Variants in CFAP54 observed in about 807,000 individuals in gnomAD.
CFAP54 encodes the protein cilia and flagella associated protein 54, also known as cilia- and flagella-associated protein 54.
Under a neutral mutation model 370.4 loss-of-function variants are expected in CFAP54, and 290 were observed. The observed-to-expected ratio is 0.78, with a 90% CI of 0.71 to 0.86. The LOEUF is 0.86. Among genes scored for constraint, CFAP54 ranks in the 40% least tolerant of loss-of-function variants. The probability of loss-of-function intolerance (pLI) is 0.00; values close to 1 mark genes in which losing one functional copy is unlikely to be tolerated. For synonymous variants in CFAP54, 1,206 were observed against 1,236.5 expected (o/e 0.98, Z 0.52); for missense variants, 3,399 against 3,528.7 (o/e 0.96, Z 0.93).
Position 96,527,381 on chromosome 12 carries a change from G to C in CFAP54, c.1294G>C (p.Asp432His). ...ACTGCAAACTGGACCCATTGTTACA[G>C]ATGAAGTGGAGATTCATGATGTTGT... The part of the protein sequence containing the change: ...RILQTGPIVT[D>H]EVEIHDVVSE... The change falls in exon 9 of 68, where the codon GAT becomes CAT. Residue 432 changes from aspartate (D) to histidine (H), a missense_variant. Physicochemically the swap from Asp to His is moderately conservative, Grantham distance 81. Transcript: ENST00000524981. The C allele has an allele frequency of 6.5e-7, 1 of 1,534,754 alleles. No individual in the cohort carries two copies. The highest frequency in any genetic ancestry group is 8.7e-7 in the Non-Finnish European group (1 of 1,146,158).
intron 66 of CFAP54, among the ~76,000 whole-genome samples, chr12:96,836,574 G>A (rs1283133410): frequency 6.6e-6 from 1 of 152,160 alleles, no homozygotes; most frequent in Non-Finnish European, 1.5e-5. Flanking sequence ...AATCTATGCT[G>A]TAATAAAAAA....
intron 62 of CFAP54, among the ~76,000 whole-genome samples, chr12:96,789,026 A>G (rs992794945): frequency 5.3e-5 from 8 of 152,342 alleles, no homozygotes; most frequent in Non-Finnish European, 7.4e-5. Context: ...TGAAGTTGAT[A>G]TTATAGGATG....
At chr12:96,791,974 T>C (rs1958702688) in intron 62 of CFAP54, among the ~76,000 whole-genome samples, 1 of 151,688 alleles carries the variant, frequency 6.6e-6, no homozygotes, top group South Asian at 2.1e-4. Context: ...CTCAGCCTCC[T>C]GAGTAGCTGG....
intron 55 of CFAP54, among the ~76,000 whole-genome samples, chr12:96,745,609 T>A (rs1270859149): frequency 6.6e-6 from 1 of 152,178 alleles, no homozygotes; most frequent in African/African-American, 2.4e-5. Context: ...AAAGATTTTC[T>A]CCCATTCTGT....
chr12:96,848,010 T>A (rs1372131052), intron 66 of CFAP54, among the ~76,000 whole-genome samples: 1 of 152,214 alleles, frequency 6.6e-6, no homozygotes, highest in African/African-American at 2.4e-5. Context: ...CTTTCTCTCC[T>A]ACATCTTCTA....
At chr12:96,574,673 A>G (rs1317444812) in intron 19 of CFAP54, among the ~76,000 whole-genome samples, 8 of 152,114 alleles carry the variant, frequency 5.3e-5, no homozygotes, top group African/African-American at 1.4e-4. Flanking sequence ...ATATTTATAT[A>G]CTTCCTAATG....
chr12:96,648,049 T>C (rs1462064587), intron 34 of CFAP54, 32 bp downstream of exon 34: 18 of 1,450,804 alleles, frequency 1.2e-5, no homozygotes, highest in Non-Finnish European at 1.5e-5. Flanking sequence ...ATTATTAAAT[T>C]ACCTCTAGAT....
At chr12:96,683,479 C>T (rs1957293277) in intron 40 of CFAP54, among the ~76,000 whole-genome samples, 1 of 152,190 alleles carries the variant, frequency 6.6e-6, no homozygotes, top group Non-Finnish European at 1.5e-5. Flanking sequence ...AGAAATCATG[C>T]AGAAATACCC....
intron 65 of CFAP54, among the ~76,000 whole-genome samples, chr12:96,821,702 TAAA>T (rs10577712): frequency 0.022 from 2,918 of 131,880 alleles, 63 homozygotes; most frequent in African/African-American, 0.062. Flanking sequence ...AGCACTTTAT[TAAA>T]AAAAAAAAAA....
At chr12:96,714,712 A>G (rs1448780768) in intron 48 of CFAP54, among the ~76,000 whole-genome samples, 2 of 152,130 alleles carry the variant, frequency 1.3e-5, no homozygotes, top group Non-Finnish European at 2.9e-5. Flanking sequence ...ATCAAACAGA[A>G]TGTGTGCAGG....
Position 96,795,185 on chromosome 12 carries a change from T to C in CFAP54, c.8850+2686T>C, listed in dbSNP as rs117160168. The stretch of plus-strand genomic sequence containing the variant: ...ATTCTGTGAAGGTCCTTGATTGTAT[T>C]TTTTTTAGTGCACTGGTTTTGTGTT... On this transcript the variant is annotated intron_variant, in intron 63 of 67. Coordinates refer to ENST00000524981, the MANE Select transcript of CFAP54 (RefSeq NM_001306084.2). 4.8e-4 allele frequency among the ~76,000 whole-genome samples: 73 copies of C among 152,186 alleles called. 3 individuals are homozygous for C. The East Asian group carries it at 0.014, about 28-fold the overall frequency.
At chr12:96,777,538 G>T (rs902009142) in intron 60 of CFAP54, among the ~76,000 whole-genome samples, 1 of 151,920 alleles carries the variant, frequency 6.6e-6, no homozygotes, top group Non-Finnish European at 1.5e-5. Context: ...TAGTAGAGAC[G>T]GGGTTTCTCC....
rs564180099 is a variant in CFAP54 at position 96,695,809 on chromosome 12, A to G, written c.6351+2001A>G. ...ATACTTGGTAGATATTTATTGATGTAACTCTAAAACAACATTTATTGAGTA... is the reference window on the plus strand; with the variant it reads ...ATACTTGGTAGATATTTATTGATGTGACTCTAAAACAACATTTATTGAGTA... On this transcript the variant is annotated intron_variant, in intron 45 of 67. Coordinates refer to ENST00000524981, the MANE Select transcript of CFAP54 (RefSeq NM_001306084.2). 6.8e-4 allele frequency among the ~76,000 whole-genome samples: 103 copies of G among 152,358 alleles called. 2 individuals are homozygous for G. The highest frequency in any genetic ancestry group is 6.6e-3 in the Admixed American group (101 of 15,306).
chr12:96,568,543 G>A lies in CFAP54; in HGVS notation c.2619+3778G>A, dbSNP rs185583566. 2.4e-4 allele frequency among the ~76,000 whole-genome samples: 37 copies of A among 152,188 alleles called. No individual in the cohort carries two copies. The East Asian group carries it at 5.2e-3, about 21-fold the overall frequency. On this transcript the variant is annotated intron_variant, in intron 19 of 67. Coordinates refer to ENST00000524981, the MANE Select transcript of CFAP54 (RefSeq NM_001306084.2). Reference sequence around the variant, plus strand: ...CAATGATGTTATGGCTCAAATAATTGCCAAACTTTCTTTCTTTTTTAAAGA... The same window carrying A: ...CAATGATGTTATGGCTCAAATAATTACCAAACTTTCTTTCTTTTTTAAAGA...
chr12:96,610,696 G>C (rs1956348982), intron 26 of CFAP54, among the ~76,000 whole-genome samples: 1 of 152,170 alleles, frequency 6.6e-6, no homozygotes, highest in Admixed American at 6.5e-5. Context: ...CCCTAATACT[G>C]TGCTTTTCCA....
At chr12:96,862,726 T>G (rs1173427671) in intron 67 of CFAP54, among the ~76,000 whole-genome samples, 2 of 152,194 alleles carry the variant, frequency 1.3e-5, no homozygotes, top group Non-Finnish European at 2.9e-5. Context: ...AAATAAAGTT[T>G]GATTCAAACA....
intron 48 of CFAP54, among the ~76,000 whole-genome samples, chr12:96,717,044 C>T (rs906051142): frequency 3.3e-5 from 5 of 152,172 alleles, no homozygotes; most frequent in African/African-American, 1.2e-4. Flanking sequence ...ACTCCTATAT[C>T]TCTTCGCCTA....
intron 26 of CFAP54, among the ~76,000 whole-genome samples, chr12:96,616,651 A>T (rs542411949): frequency 2.1e-4 from 32 of 152,322 alleles, no homozygotes; most frequent in Admixed American, 9.2e-4. Context: ...AACGTTAATC[A>T]CTCCAGGGAG....
chr12:96,501,143 G>A lies in CFAP54; in HGVS notation c.423+204G>A, dbSNP rs1047093468. The A allele has an allele frequency of 9.0e-5, 39 of 431,116 alleles. No individual in the cohort carries two copies. In the South Asian group the frequency reaches 1.1e-3, roughly 13 times the overall value. The allele number at this position is 431,116 out of a possible 1,614,324, so 26.7% of individuals were successfully genotyped here. A position where few individuals can be genotyped will look rare whatever the true frequency, so the allele number is the denominator to read the frequency against. ...TGTAGTTGAGATTTCCCAGAGGTGA[G>A]ACATTCCTGAACAGCCAGGCAGCTG... On this transcript the variant is annotated intron_variant, in intron 2 of 67. Transcript: ENST00000524981.
Sources: gnomAD v4.1 joint callset for allele counts (sites outside exome capture counted in the v4.1 genomes callset) on GRCh38, gnomAD v4.1.1 for gene constraint, MANE v1.5 for transcripts, NCBI Gene and HGNC (gene_info 2026-07-23, HGNC 2026-07-21) for gene names.